ARHGEF37: variants seen among roughly 807,000 people sequenced by gnomAD.
ARHGEF37 encodes Rho guanine nucleotide exchange factor (GEF) 37.
Under a neutral mutation model 71.1 loss-of-function variants are expected in ARHGEF37, and 55 were observed. The ratio of observed to expected loss-of-function variants is 0.77; its 90% confidence interval spans 0.62 to 0.97. The LOEUF is 0.97. Among genes scored for constraint, ARHGEF37 ranks in the 50% least tolerant of loss-of-function variants. The pLI is 0.00. For synonymous variants in ARHGEF37, 327 were observed against 350.6 expected (o/e 0.93, Z 0.75); for missense variants, 765 against 836.8 (o/e 0.91, Z 1.06).
chr5:149,577,515 A>G (rs1763040514), upstream of ARHGEF37, among the ~76,000 whole-genome samples: 1 of 152,226 alleles, frequency 6.6e-6, no homozygotes, highest in African/African-American at 2.4e-5. Flanking sequence ...ACAGCAAGTG[A>G]TTCTAATGAT....
At chr5:149,598,408 CTCTTCTCCTTCTTCTCCTTCTCCT>C (rs1763636751) in intron 2 of ARHGEF37, among the ~76,000 whole-genome samples, 1 of 130,424 alleles carries the variant, frequency 7.7e-6, no homozygotes, top group South Asian at 2.6e-4. Flanking sequence ...CTTCCTCTTC[CTCTTCTCCTTCTTCTCCTTCTCCT>C]TCTTCTCCTT....
chr5:149,606,914 T>A (rs1763928868), intron 3 of ARHGEF37, among the ~76,000 whole-genome samples: 1 of 152,208 alleles, frequency 6.6e-6, no homozygotes, highest in South Asian at 2.1e-4. Context: ...TTTATTTTTA[T>A]TTTTTAATTA....
At position 149,628,794 on chromosome 5, in the gene ARHGEF37, C is replaced by T. The variant is rs780816049; in HGVS notation, c.1661-15C>T. On this transcript the variant is annotated splice_polypyrimidine_tract_variant and intron_variant, in intron 11 of 12. Transcript: ENST00000333677. ...AGGTGGCCCGCAGCCTGCTAACCTT[C>T]TGCATGCTCCCTAGGACATCGTGGG... 2.5e-6 allele frequency: 4 copies of T among 1,607,810 alleles called. No homozygotes were observed. The Admixed American group carries it at 6.7e-5, about 27-fold the overall frequency.
At chr5:149,613,112 G>C (rs1172145774) in intron 4 of ARHGEF37, among the ~76,000 whole-genome samples, 1 of 152,228 alleles carries the variant, frequency 6.6e-6, no homozygotes, top group Non-Finnish European at 1.5e-5. Flanking sequence ...AGGCAGCAGA[G>C]TTTGGAGAAG....
chr5:149,587,650 C>T (rs1763273913), intron 1 of ARHGEF37, among the ~76,000 whole-genome samples: 2 of 152,072 alleles, frequency 1.3e-5, no homozygotes, highest in South Asian at 4.1e-4. Context: ...AATAGTGTGC[C>T]TCTCTCTTAC....
intron 6 of ARHGEF37, 78 bp from the exon 7 acceptor site, chr5:149,618,860 G>C: frequency 1.7e-6 from 2 of 1,206,884 alleles, no homozygotes; most frequent in East Asian, 2.3e-5. Flanking sequence ...GGTTGTCCCA[G>C]TGAGGACCTG....
chr5:149,613,147 T>C (rs1035274071), intron 4 of ARHGEF37, among the ~76,000 whole-genome samples: 11 of 152,208 alleles, frequency 7.2e-5, no homozygotes, highest in African/African-American at 2.7e-4. Context: ...TTGTTTTCCT[T>C]TATCAGCTAG....
chr5:149,575,427 C>A (rs1763014804), intron 1 of ARHGEF37, among the ~76,000 whole-genome samples: 1 of 152,182 alleles, frequency 6.6e-6, no homozygotes, highest in Admixed American at 6.6e-5. Flanking sequence ...TTTGTTAAGG[C>A]TACATGGCTC....
At chr5:149,561,766 A>C (rs1217273472) in intron 1 of ARHGEF37, among the ~76,000 whole-genome samples, 2 of 152,212 alleles carry the variant, frequency 1.3e-5, no homozygotes, top group African/African-American at 2.4e-5. Flanking sequence ...TAATCACAAC[A>C]ACCATTAATT....
At chr5:149,598,753 T>G (rs199694762) in intron 2 of ARHGEF37, among the ~76,000 whole-genome samples, 6 of 85,130 alleles carry the variant, frequency 7.0e-5, no homozygotes, top group South Asian at 8.4e-4. Flanking sequence ...TATATATCTA[T>G]ATATAGATAT....
intron 4 of ARHGEF37, among the ~76,000 whole-genome samples, chr5:149,614,615 G>A (rs1044762016): frequency 2.6e-5 from 4 of 152,170 alleles, no homozygotes; most frequent in Non-Finnish European, 5.9e-5. Flanking sequence ...TGGAAAGGAA[G>A]TCCAGAGGAT....
chr5:149,569,441 TC>T (rs1209339026), intron 1 of ARHGEF37, among the ~76,000 whole-genome samples: 1 of 151,980 alleles, frequency 6.6e-6, no homozygotes, highest in Non-Finnish European at 1.5e-5. Flanking sequence ...TGCCTCAGCC[TC>T]CCCAGTAGCT....
chr5:149,570,120 C>T (rs989005250), intron 1 of ARHGEF37, among the ~76,000 whole-genome samples: 6 of 152,164 alleles, frequency 3.9e-5, no homozygotes, highest in South Asian at 4.2e-4. Context: ...TCTCTAGTCA[C>T]GGATGATATG....
Position 149,634,359 on chromosome 5 carries a change from G to C in ARHGEF37, c.*2168G>C, listed in dbSNP as rs1752970599. On this transcript the variant is annotated 3_prime_UTR_variant, in exon 13 of 13. Transcript: ENST00000333677. ...CAGGCGCTTTAAAGGCAGTGTGAAA[G>C]GGGACAGCCTGTTCTGCCAGGTCTC... 1 of 152,260 alleles carries C rather than the reference G, an allele frequency of 6.6e-6. No individual in the cohort carries two copies. Among genetic ancestry groups the C allele is most frequent in the Non-Finnish European group, 1.5e-5 (1 of 68,048 alleles). The allele number at this position is 152,260 out of a possible 1,614,324, so 9.4% of individuals were successfully genotyped here. A position where few individuals can be genotyped will look rare whatever the true frequency, so the allele number is the denominator to read the frequency against.
chr5:149,616,820 GA>G, intron 5 of ARHGEF37, 54 bp downstream of exon 5: 1 of 1,497,132 alleles, frequency 6.7e-7, no homozygotes, highest in East Asian at 2.3e-5. Context: ...TCCAGTTACA[GA>G]AAATTTATCT....
intron 1 of ARHGEF37, among the ~76,000 whole-genome samples, chr5:149,573,542 A>G (rs935778306): frequency 3.9e-5 from 6 of 152,150 alleles, no homozygotes; most frequent in African/African-American, 1.4e-4. Flanking sequence ...GTTACTCTTC[A>G]ACTTCTTACC....
chr5:149,609,836 C>T, intron 4 of ARHGEF37, 141 bp downstream of exon 4: 3 of 1,189,000 alleles, frequency 2.5e-6, no homozygotes, highest in Non-Finnish European at 3.5e-6. Flanking sequence ...CAGGATAGGG[C>T]AGGCTGTGCC....
At chr5:149,557,505 G>C (rs1762770671) in intron 1 of ARHGEF37, among the ~76,000 whole-genome samples, 1 of 152,060 alleles carries the variant, frequency 6.6e-6, no homozygotes, top group African/African-American at 2.4e-5. Context: ...TTTGGGACAG[G>C]GTCTCCTTCT....
chr5:149,622,408 C>T (rs920374292), intron 9 of ARHGEF37, among the ~76,000 whole-genome samples: 2 of 152,184 alleles, frequency 1.3e-5, no homozygotes, highest in Admixed American at 6.5e-5. Context: ...GTCGTTTCTA[C>T]ACAGTAAGGA....
Sources: gnomAD v4.1 joint callset for allele counts (sites outside exome capture counted in the v4.1 genomes callset) on GRCh38, gnomAD v4.1.1 for gene constraint, MANE v1.5 for transcripts, NCBI Gene and HGNC (gene_info 2026-07-23, HGNC 2026-07-21) for gene names.